ROBO2: variants seen among roughly 807,000 people sequenced by gnomAD.
The protein encoded by ROBO2 is roundabout guidance receptor 2, also known as roundabout homolog 2.
A neutral mutation model predicts 160.8 loss-of-function variants in ROBO2; 53 were observed. The observed-to-expected ratio is 0.33, with a 90% CI of 0.26 to 0.41. The LOEUF is 0.41. Ranked by LOEUF, ROBO2 falls within the 10% of genes least tolerant of loss-of-function variation. The pLI is 1.00. For synonymous variants in ROBO2, 664 were observed against 611.7 expected (o/e 1.09, Z -1.26); for missense variants, 1,577 against 1,722.4 (o/e 0.92, Z 1.49).
At chr3:77,434,793 A>T (rs1023286405) in intron 2 of ROBO2, among the ~76,000 whole-genome samples, 2 of 152,104 alleles carry the variant, frequency 1.3e-5, no homozygotes, top group Non-Finnish European at 2.9e-5. Flanking sequence ...TAAATTGTGT[A>T]CCATATTACC....
intron 2 of ROBO2, among the ~76,000 whole-genome samples, chr3:77,019,564 G>A (rs2062495415): frequency 6.6e-6 from 1 of 152,122 alleles, no homozygotes; most frequent in Non-Finnish European, 1.5e-5. Flanking sequence ...GAGCCGATGG[G>A]CCTTGAATGG....
At chr3:77,145,171 T>G (rs560658635) in intron 2 of ROBO2, among the ~76,000 whole-genome samples, 1 of 152,252 alleles carries the variant, frequency 6.6e-6, no homozygotes, top group African/African-American at 2.4e-5. Context: ...TTTAGCTGGG[T>G]GTGCATGGGC....
chr3:76,422,210 TA>T (rs2076025177), intron 2 of ROBO2, among the ~76,000 whole-genome samples: 1 of 152,176 alleles, frequency 6.6e-6, no homozygotes, highest in African/African-American at 2.4e-5. Context: ...AGGACCTTTT[TA>T]TAAGCTTACT....
At chr3:76,084,600 G>A (rs2068945402) in intron 2 of ROBO2, among the ~76,000 whole-genome samples, 1 of 152,012 alleles carries the variant, frequency 6.6e-6, no homozygotes, top group African/African-American at 2.4e-5. Context: ...CCCGAATTTG[G>A]CTACATATTA....
chr3:77,284,886 C>G (rs965767866), intron 2 of ROBO2, among the ~76,000 whole-genome samples: 10 of 152,052 alleles, frequency 6.6e-5, no homozygotes, highest in African/African-American at 2.4e-4. Context: ...CCTCATTAAC[C>G]GTACCTCACT....
chr3:77,147,544 T>C (rs1404343288), intron 2 of ROBO2, among the ~76,000 whole-genome samples: 2 of 152,194 alleles, frequency 1.3e-5, no homozygotes, highest in African/African-American at 4.8e-5. Context: ...ATAAATTGTA[T>C]TAATTATTAC....
intron 2 of ROBO2, among the ~76,000 whole-genome samples, chr3:76,938,469 G>A (rs1161285106): frequency 6.6e-6 from 1 of 151,632 alleles, no homozygotes; most frequent in African/African-American, 2.4e-5. Flanking sequence ...TTAGGGTAGA[G>A]CCCTACAAAA....
chr3:76,051,823 T>C (rs2107819318), intron 2 of ROBO2, among the ~76,000 whole-genome samples: 1 of 152,210 alleles, frequency 6.6e-6, no homozygotes, highest in East Asian at 1.9e-4. Context: ...AGATAAATTA[T>C]ATACCTCTGA....
rs147501352 is a variant in ROBO2, at chr3:76,296,624, C to A, written c.109+359022C>A. Among the ~76,000 whole-genome samples, 821 of 152,254 alleles carry A rather than the reference C, an allele frequency of 5.4e-3. 10 individuals are homozygous for A. Among genetic ancestry groups the A allele is most frequent in the African/African-American group, 0.018 (728 of 41,526 alleles). On this transcript the variant is annotated intron_variant, in intron 2 of 26. Coordinates refer to the ROBO2 transcript ENST00000487694. ...TAATGTTCCATAATTTACCTATATA[C>A]CTTGCCTCAGGGCCTAAACTAATCA... is the stretch of plus-strand genomic sequence containing the variant.
intron 2 of ROBO2, among the ~76,000 whole-genome samples, chr3:76,622,237 A>AGAAAGAAAGAAAGAAAGAAAGAAAGAAG (rs2089194438): frequency 2.5e-5 from 1 of 40,244 alleles, no homozygotes; most frequent in Non-Finnish European, 4.6e-5. Flanking sequence ...GAAGGAAGGA[A>AGAAAGAAAGAAAGAAAGAAAGAAAGAAG]GAAAGAAAGA....
At chr3:76,596,257 C>T (rs2108881264) in intron 2 of ROBO2, among the ~76,000 whole-genome samples, 1 of 152,112 alleles carries the variant, frequency 6.6e-6, no homozygotes, top group South Asian at 2.1e-4. Context: ...TTATCAATAT[C>T]CTCAGGGAAA....
intron 1 of ROBO2, among the ~76,000 whole-genome samples, chr3:75,917,243 G>A (rs1310571163): frequency 4.0e-5 from 6 of 151,862 alleles, no homozygotes; most frequent in Non-Finnish European, 7.4e-5. Context: ...CTGTGTCCAC[G>A]TGTTCTCATT....
At chr3:77,240,742 T>A (rs139969200) in intron 2 of ROBO2, among the ~76,000 whole-genome samples, 7 of 152,372 alleles carry the variant, frequency 4.6e-5, no homozygotes, top group African/African-American at 1.4e-4. Flanking sequence ...AATTTATACT[T>A]CTTTACTGCC....
chr3:77,071,312 C>T (rs1488616179), intron 1 of ROBO2, among the ~76,000 whole-genome samples: 1 of 152,064 alleles, frequency 6.6e-6, no homozygotes, highest in Admixed American at 6.5e-5. Flanking sequence ...GAAACACCTG[C>T]TCATTCAGTA....
At chr3:77,016,292 A>G (rs60915850) in intron 2 of ROBO2, among the ~76,000 whole-genome samples, 20,762 of 151,466 alleles carry the variant, frequency 0.14, 1,516 homozygotes, top group East Asian at 0.18. Context: ...GTTATTTTGT[A>G]CGACTGAGTT....
chr3:77,360,625 T>G (rs1047839326), intron 2 of ROBO2, among the ~76,000 whole-genome samples: 77 of 147,590 alleles, frequency 5.2e-4, no homozygotes, highest in African/African-American at 1.9e-3. Context: ...CCAGTTGACT[T>G]TTTTTTTTTT....
At chr3:76,563,331 C>T (rs976549987) in intron 2 of ROBO2, among the ~76,000 whole-genome samples, 1 of 152,128 alleles carries the variant, frequency 6.6e-6, no homozygotes, top group African/African-American at 2.4e-5. Flanking sequence ...AAGGCAGGAA[C>T]TATGATAATT....
At position 76,085,983 on chromosome 3, in the gene ROBO2, G is replaced by C. The variant is rs1300119184; in HGVS notation, c.109+148381G>C. On this transcript the variant is annotated intron_variant, in intron 2 of 26. Coordinates refer to the ROBO2 transcript ENST00000487694. ...CATCCCATTCTTAAAGACTTGTACA[G>C]AGAAACTATTTTATCAGGGACTAAC... 5.3e-5 allele frequency among the ~76,000 whole-genome samples: 8 copies of C among 152,244 alleles called. No individual in the cohort carries two copies. In the East Asian group the frequency reaches 1.5e-3, roughly 29 times the overall value.
chr3:76,232,250 A>G (rs1452931076), intron 2 of ROBO2, among the ~76,000 whole-genome samples: 1 of 152,220 alleles, frequency 6.6e-6, no homozygotes, highest in African/African-American at 2.4e-5. Flanking sequence ...CTCAGTATAT[A>G]TGGCTTCATA....
Sources: gnomAD v4.1 joint callset for allele counts (sites outside exome capture counted in the v4.1 genomes callset) on GRCh38, gnomAD v4.1.1 for gene constraint, MANE v1.5 for transcripts, NCBI Gene and HGNC (gene_info 2026-07-23, HGNC 2026-07-21) for gene names.